The following NLN variants were observed in gnomAD, a reference collection of about 807,000 sequenced individuals.
NLN encodes neurolysin.
A neutral mutation model predicts 79.9 loss-of-function variants in NLN; 64 were observed. That is an observed-to-expected ratio of 0.80 (90% confidence interval 0.65 to 0.99). The LOEUF is 0.99. Among genes scored for constraint, NLN ranks in the 50% least tolerant of loss-of-function variants. The pLI is 0.00. For synonymous variants in NLN, 267 were observed against 296.6 expected (o/e 0.90, Z 1.02); for missense variants, 835 against 858.7 (o/e 0.97, Z 0.34).
chr5:65,782,154 A>T (rs1211289984), intron 6 of NLN, among the ~76,000 whole-genome samples: 1 of 152,208 alleles, frequency 6.6e-6, no homozygotes, highest in Non-Finnish European at 1.5e-5. Flanking sequence ...AGCTTGTTGG[A>T]CTAAACTTGG....
chr5:65,736,402 G>T (rs542446222), intron 1 of NLN, among the ~76,000 whole-genome samples: 1 of 152,282 alleles, frequency 6.6e-6, no homozygotes, highest in Admixed American at 6.5e-5. Context: ...AATGTCTCCT[G>T]ATACATATGT....
At chr5:65,785,700 C>A in intron 6 of NLN, 75 bp from the exon 7 acceptor site, 1 of 1,149,252 alleles carries the variant, frequency 8.7e-7, no homozygotes, top group African/African-American at 1.5e-5. Context: ...AAAATACATA[C>A]AGTAATTCTT....
intron 7 of NLN, 27 bp from the exon 8 acceptor site, chr5:65,788,091 A>G (rs752660144): frequency 1.3e-6 from 2 of 1,595,406 alleles, no homozygotes; most frequent in East Asian, 2.2e-5. Context: ...AAGCAAGTAG[A>G]TCACTAACTT....
intron 2 of NLN, among the ~76,000 whole-genome samples, chr5:65,759,419 A>T (rs1561189798): frequency 6.8e-6 from 1 of 148,074 alleles, no homozygotes; most frequent in Non-Finnish European, 1.5e-5. Context: ...TGTGTGTGTA[A>T]GTATATATAT....
At chr5:65,782,294 G>A (rs1217573701) in intron 6 of NLN, among the ~76,000 whole-genome samples, 2 of 152,124 alleles carry the variant, frequency 1.3e-5, no homozygotes, top group Non-Finnish European at 2.9e-5. Flanking sequence ...GCTAATGTCA[G>A]GTAGAATCCC....
At chr5:65,801,631 C>G (rs75080342) in intron 9 of NLN, among the ~76,000 whole-genome samples, 3,006 of 152,288 alleles carry the variant, frequency 0.02, 33 homozygotes, top group Non-Finnish European at 0.031. Context: ...AGCTTTTTCT[C>G]CTTACAAACA....
rs1359550338 is a variant in NLN, at chr5:65,813,471, A to G, written c.1980+1080A>G. Among the ~76,000 whole-genome samples, 6 of 152,192 alleles carry G rather than the reference A, an allele frequency of 3.9e-5. No homozygotes were observed. In the South Asian group the frequency reaches 1.2e-3, roughly 32 times the overall value. On this transcript the variant is annotated intron_variant, in intron 12 of 12. Transcript: ENST00000380985. ...TTCAAAGTGTTCTGGGGAAGATTGT[A>G]TGACTCCACTGACATGCCCAACTGC...
intron 7 of NLN, 154 bp downstream of exon 7, chr5:65,786,064 G>C: frequency 1.7e-6 from 1 of 582,306 alleles, no homozygotes; most frequent in South Asian, 3.2e-5. Flanking sequence ...TAGTGTGCTT[G>C]GTTGTAGGGA....
At chr5:65,747,005 G>GAA (rs1029025334) in intron 1 of NLN, among the ~76,000 whole-genome samples, 24 of 101,554 alleles carry the variant, frequency 2.4e-4, no homozygotes, top group African/African-American at 4.8e-4. Context: ...TTCTGTCTCA[G>GAA]AAAAAAAAAA....
intron 8 of NLN, among the ~76,000 whole-genome samples, chr5:65,790,862 G>A (rs2150763329): frequency 6.6e-6 from 1 of 152,314 alleles, no homozygotes; most frequent in East Asian, 1.9e-4. Flanking sequence ...ACTGTCCTCA[G>A]ATTTTCTTTC....
At chr5:65,801,578 A>T (rs994619026) in intron 9 of NLN, among the ~76,000 whole-genome samples, 13 of 152,266 alleles carry the variant, frequency 8.5e-5, no homozygotes, top group Admixed American at 7.2e-4. Flanking sequence ...GAGAAACAGC[A>T]TGACCAACTT....
intron 7 of NLN, among the ~76,000 whole-genome samples, chr5:65,787,130 G>A (rs1759942369): frequency 6.6e-6 from 1 of 151,966 alleles, no homozygotes; most frequent in East Asian, 1.9e-4. Flanking sequence ...ATATTCCTAT[G>A]CAAAGTGTCC....
intron 1 of NLN, among the ~76,000 whole-genome samples, chr5:65,749,484 A>C (rs1331004935): frequency 6.6e-6 from 1 of 152,172 alleles, no homozygotes; most frequent in Non-Finnish European, 1.5e-5. Flanking sequence ...TCCAGGTTAC[A>C]GTGAAGACAA....
intron 6 of NLN, among the ~76,000 whole-genome samples, chr5:65,785,545 CA>C (rs1759899843): frequency 6.8e-6 from 1 of 146,186 alleles, no homozygotes; most frequent in African/African-American, 2.5e-5. Context: ...ATTAAGACCT[CA>C]TAGTTCTGAA....
intron 8 of NLN, among the ~76,000 whole-genome samples, chr5:65,792,177 G>A (rs1476864735): frequency 6.6e-6 from 1 of 152,108 alleles, no homozygotes; most frequent in Non-Finnish European, 1.5e-5. Context: ...AAAATAAATT[G>A]GACATTCAGC....
intron 12 of NLN, among the ~76,000 whole-genome samples, chr5:65,813,982 C>G (rs569246535): frequency 2.0e-5 from 3 of 151,998 alleles, no homozygotes; most frequent in Non-Finnish European, 2.9e-5. Context: ...CTGTGTACTT[C>G]AATACTTGTC....
Position 65,758,792 on chromosome 5 carries a change from G to T in NLN, c.267G>T (p.Leu89=). The change falls in exon 2 of 13, where the codon CTG becomes CTT. Residue 89 remains leucine (L), a synonymous_variant. Transcript: ENST00000380985. ...GIEEVTYENC[L]QALADVEVKY... is the part of the protein sequence containing the mutation. ...AGGAAGTAACTTACGAGAACTGTCT[G>T]CAGGCACTGGCAGATGTAGAAGTAA... 6.2e-7 allele frequency: 1 copy of T among 1,613,688 alleles called. No homozygotes were observed. The highest frequency in any genetic ancestry group is 8.5e-7 in the Non-Finnish European group (1 of 1,179,690).
chr5:65,778,890 GT>G (rs1561197871), intron 4 of NLN, among the ~76,000 whole-genome samples: 1 of 152,128 alleles, frequency 6.6e-6, no homozygotes, highest in Non-Finnish European at 1.5e-5. Context: ...GGATCCTGTG[GT>G]TAATCCTGAA....
chr5:65,792,341 G>GT (rs1279713166), intron 8 of NLN, 113 bp from the exon 9 acceptor site: 1 of 676,800 alleles, frequency 1.5e-6, no homozygotes, highest in Admixed American at 2.7e-5. Context: ...GTAAATTAAT[G>GT]TTTAAAGGCA....
Sources: allele counts gnomAD v4.1 joint callset (sites outside exome capture counted in the v4.1 genomes callset), GRCh38; gene constraint gnomAD v4.1.1; transcripts MANE v1.5; gene names NCBI Gene and HGNC (gene_info 2026-07-23, HGNC 2026-07-21).